The following WDR26 variants were observed in gnomAD, a reference collection of about 807,000 sequenced individuals.
WDR26 encodes the protein WD repeat domain 26, also known as WD repeat-containing protein 26.
A neutral mutation model predicts 84.1 loss-of-function variants in WDR26; 5 were observed. The observed-to-expected ratio is 0.06, with a 90% CI of 0.03 to 0.13. The LOEUF (loss-of-function observed/expected upper bound fraction) is 0.13. WDR26 is among the 10% of genes least tolerant of loss of function. The probability of loss-of-function intolerance (pLI) is 1.00; values close to 1 mark genes in which losing one functional copy is unlikely to be tolerated. For synonymous variants in WDR26, 415 were observed against 389.6 expected (o/e 1.07, Z -0.77); for missense variants, 642 against 974.9 (o/e 0.66, Z 4.55).
At chr1:224,425,526 T>C (rs1245262624) in intron 3 of WDR26, among the ~76,000 whole-genome samples, 1 of 152,254 alleles carries the variant, frequency 6.6e-6, no homozygotes, top group African/African-American at 2.4e-5. Flanking sequence ...TTTTTGACTT[T>C]AATACTTTTA....
At chr1:224,406,204 T>A (rs756726746) in intron 7 of WDR26, among the ~76,000 whole-genome samples, 3 of 152,022 alleles carry the variant, frequency 2.0e-5, no homozygotes, top group Non-Finnish European at 4.4e-5. Flanking sequence ...AAAAAGATAT[T>A]GTGGAGATAA....
intron 9 of WDR26, among the ~76,000 whole-genome samples, chr1:224,400,720 A>AT (rs1422866685): frequency 6.6e-6 from 1 of 151,824 alleles, no homozygotes; most frequent in Non-Finnish European, 1.5e-5. Flanking sequence ...TAATTTTTGT[A>AT]TTTTTAGTAG....
At chr1:224,399,359 T>C (rs1332757926) in intron 9 of WDR26, among the ~76,000 whole-genome samples, 1 of 152,192 alleles carries the variant, frequency 6.6e-6, no homozygotes, top group Non-Finnish European at 1.5e-5. Context: ...TCAAAAACAA[T>C]TTAAACGTTC....
At chr1:224,407,151 A>AAT (rs1335487396) in intron 7 of WDR26, among the ~76,000 whole-genome samples, 229 of 11,872 alleles carry the variant, frequency 0.019, 22 homozygotes, top group African/African-American at 0.079. Flanking sequence ...AAAAAAAAAA[A>AAT]ATATATATAT....
chr1:224,434,084 C>T lies in WDR26; in HGVS notation c.322G>A (p.Gly108Arg). The T allele has an allele frequency of 1.4e-6, 2 of 1,448,166 alleles. No homozygotes were observed. Among genetic ancestry groups the T allele is most frequent in the South Asian group, 1.4e-5 (1 of 70,528 alleles). 89.7% of individuals were successfully genotyped at this position (1,448,166 alleles called of 1,614,324 possible). The stretch of plus-strand genomic sequence containing the variant: ...CCGCCGCCGCCACCTCCTCCTCCTC[C>T]TCCTGCCCCATTGGCCTGCATGATG... The change falls in exon 1 of 14, where the codon GGA (glycine) becomes AGA (arginine). Residue 108 changes from glycine to arginine, a missense_variant. Physicochemically the swap from Gly to Arg is moderately radical, Grantham distance 125 (BLOSUM62 -2). Coordinates refer to ENST00000414423, the MANE Select transcript of WDR26 (RefSeq NM_001379403.1).
chr1:224,425,104 A>G (rs531689704), intron 3 of WDR26, among the ~76,000 whole-genome samples: 1 of 152,378 alleles, frequency 6.6e-6, no homozygotes, highest in Non-Finnish European at 1.5e-5. Flanking sequence ...CAAATGAACT[A>G]TTTAAGTCAC....
chr1:224,404,393 G>A, intron 8 of WDR26, 37 bp downstream of exon 8: 1 of 1,608,214 alleles, frequency 6.2e-7, no homozygotes, highest in Non-Finnish European at 8.5e-7. Flanking sequence ...TGACTATGCT[G>A]TACTTAAAAG....
At chr1:224,406,987 T>C (rs1054691599) in intron 7 of WDR26, among the ~76,000 whole-genome samples, 7 of 149,760 alleles carry the variant, frequency 4.7e-5, no homozygotes, top group African/African-American at 1.7e-4. Flanking sequence ...CCGGGTGTGG[T>C]GGTGGGTGCC....
In WDR26 at chr1:224,433,624, C is replaced by G. The variant is rs1237182466; in HGVS notation, c.722+60G>C. 5.7e-6 allele frequency: 7 copies of G among 1,224,342 alleles called. No homozygotes were observed. In the African/African-American group the frequency reaches 9.2e-5, roughly 16 times the overall value. 75.8% of individuals were successfully genotyped at this position (1,224,342 alleles called of 1,614,324 possible). ...CTCCCCCCTCCGCCCCTTCCCCTAC[C>G]CCCCTGGAGCCTCCGTCCCTCGGTC... On this transcript the variant is annotated intron_variant, in intron 1 of 13. Coordinates refer to ENST00000414423, the MANE Select transcript of WDR26 (RefSeq NM_001379403.1).
chr1:224,411,290 T>A, intron 7 of WDR26, 137 bp downstream of exon 7: 1 of 889,022 alleles, frequency 1.1e-6, no homozygotes, highest in Non-Finnish European at 1.6e-6. Flanking sequence ...ATACAACACA[T>A]GAAGATGTAA....
intron 13 of WDR26, among the ~76,000 whole-genome samples, chr1:224,391,127 G>A (rs950880561): frequency 1.3e-5 from 2 of 151,574 alleles, no homozygotes; most frequent in African/African-American, 2.4e-5. Flanking sequence ...TACTTTGGGA[G>A]GCCAAGACAG....
chr1:224,404,725 C>T (rs1488239360), intron 7 of WDR26, among the ~76,000 whole-genome samples, 155 bp from the exon 8 acceptor site: 6 of 152,194 alleles, frequency 3.9e-5, no homozygotes, highest in Non-Finnish European at 8.8e-5. Flanking sequence ...TTCATAAAGA[C>T]TCATTCACAT....
In WDR26 at chr1:224,434,226, G is replaced by GGAGGACGAGGAC. The variant is rs1223833150; in HGVS notation, c.179_180insGTCCTCGTCCTC (p.Ser64_Ser67dup). On this transcript the variant is annotated inframe_insertion, in exon 1 of 14. Transcript: ENST00000414423. ...CCACGGAGGAGGAGGAGGAGGAGGA[G>GGAGGACGAGGAC]GACGAGGACGACGAGGACGGAGGGG... is the stretch of plus-strand genomic sequence containing the variant. 7.2e-7 allele frequency: 1 copy of GGAGGACGAGGAC among 1,389,926 alleles called. No individual in the cohort carries two copies. Among genetic ancestry groups the GGAGGACGAGGAC allele is most frequent in the African/African-American group, 1.5e-5 (1 of 67,326 alleles). 86.1% of individuals were successfully genotyped at this position (1,389,926 alleles called of 1,614,324 possible).
chr1:224,390,731 C>T (rs1031812317), intron 13 of WDR26, among the ~76,000 whole-genome samples: 1 of 151,854 alleles, frequency 6.6e-6, no homozygotes, highest in Non-Finnish European at 1.5e-5. Context: ...GATTGCACCA[C>T]TGCACTTCAG....
intron 4 of WDR26, among the ~76,000 whole-genome samples, chr1:224,420,328 G>A (rs1375882981): frequency 1.3e-5 from 2 of 152,124 alleles, no homozygotes; most frequent in Non-Finnish European, 2.9e-5. Context: ...ACCCTGACCT[G>A]GTTTTGGTTC....
In WDR26 at chr1:224,425,343, TA is replaced by T. The variant is rs1183034009; in HGVS notation, c.928-690del. Among the ~76,000 whole-genome samples the T allele has an allele frequency of 2.6e-5, 4 of 152,350 alleles. No individual in the cohort carries two copies. The South Asian group carries it at 8.3e-4, about 32-fold the overall frequency. On this transcript the variant is annotated intron_variant, in intron 3 of 13. Transcript: ENST00000414423. ...GATGTCTACGTTAGATGGTTGAACT[TA>T]AAGGTTTTTAAAAAGATTCAATATT...
intron 5 of WDR26, 124 bp from the exon 6 acceptor site, chr1:224,418,540 A>C: frequency 1.1e-6 from 1 of 912,306 alleles, no homozygotes; most frequent in South Asian, 2.2e-5. Context: ...TAAATAGAGA[A>C]GTTCTGCGTT....
chr1:224,408,234 C>A (rs1673636778), intron 7 of WDR26, among the ~76,000 whole-genome samples: 1 of 152,238 alleles, frequency 6.6e-6, no homozygotes, highest in Admixed American at 6.5e-5. Context: ...CCTATCCTAA[C>A]TAGTTTTGCC....
chr1:224,400,426 T>TA (rs1673380650), intron 9 of WDR26, among the ~76,000 whole-genome samples: 1 of 146,862 alleles, frequency 6.8e-6, no homozygotes, highest in Admixed American at 7.0e-5. Context: ...CCAAAGTCTA[T>TA]ACTTTGTACA....
Sources: gnomAD v4.1 joint callset for allele counts (sites outside exome capture counted in the v4.1 genomes callset) on GRCh38, gnomAD v4.1.1 for gene constraint, MANE v1.5 for transcripts, NCBI Gene and HGNC (gene_info 2026-07-23, HGNC 2026-07-21) for gene names.